Variants in CSMD1 observed in about 807,000 individuals in gnomAD.
CSMD1 encodes the protein CUB and sushi domain-containing protein 1.
In CSMD1, 213 loss-of-function variants were observed where a neutral mutation model predicts 417.5. The observed-to-expected ratio is 0.51, with a 90% confidence interval of 0.46 to 0.57. CSMD1 has a LOEUF of 0.57. CSMD1 is among the 20% of genes least tolerant of loss of function. The pLI is 0.00. For synonymous variants in CSMD1, 2,862 were observed against 1,736.8 expected (o/e 1.65, Z -16.11); for missense variants, 6,923 against 4,529.7 (o/e 1.53, Z -15.17).
At chr8:4,781,920 G>T (rs1329659319) in intron 1 of CSMD1, among the ~76,000 whole-genome samples, 4 of 152,130 alleles carry the variant, frequency 2.6e-5, no homozygotes, top group East Asian at 1.9e-4. Context: ...TAAAAATCAA[G>T]ACTTACAAAA....
At chr8:3,442,093 T>A (rs2117065681) in intron 12 of CSMD1, among the ~76,000 whole-genome samples, 1 of 151,948 alleles carries the variant, frequency 6.6e-6, no homozygotes, top group South Asian at 2.1e-4. Flanking sequence ...AATACAAAAT[T>A]AAAATAAAAA....
chr8:4,598,302 A>G (rs755056919), intron 2 of CSMD1, among the ~76,000 whole-genome samples: 3 of 152,182 alleles, frequency 2.0e-5, no homozygotes, highest in Non-Finnish European at 4.4e-5. Context: ...TTGAATTACG[A>G]ATACTATGCT....
chr8:4,138,819 C>A (rs1803598254), intron 3 of CSMD1, among the ~76,000 whole-genome samples: 1 of 151,628 alleles, frequency 6.6e-6, no homozygotes, highest in African/African-American at 2.4e-5. Context: ...TTTTTTTGCC[C>A]CTGAGGCAAA....
intron 3 of CSMD1, among the ~76,000 whole-genome samples, chr8:4,316,409 A>T (rs926596177): frequency 1.3e-5 from 2 of 152,140 alleles, no homozygotes; most frequent in African/African-American, 4.8e-5. Flanking sequence ...TTACCAAGAC[A>T]ATTTCTTCAT....
intron 5 of CSMD1, among the ~76,000 whole-genome samples, chr8:3,842,731 T>G (rs111483665): frequency 6.6e-4 from 100 of 152,130 alleles, no homozygotes; most frequent in Non-Finnish European, 1.1e-3. Flanking sequence ...GTGTCAAGAT[T>G]AAAATTGGGA....
chr8:2,992,876 T>C (rs185440121), intron 54 of CSMD1, among the ~76,000 whole-genome samples: 54 of 152,192 alleles, frequency 3.5e-4, no homozygotes, highest in African/African-American at 1.2e-3. Flanking sequence ...TAGGTGGAAC[T>C]ACGGGCATGT....
intron 1 of CSMD1, among the ~76,000 whole-genome samples, chr8:4,756,802 C>G (rs1208578537): frequency 6.6e-6 from 1 of 152,132 alleles, no homozygotes; most frequent in African/African-American, 2.4e-5. Context: ...TTTTCTATGT[C>G]TGCTGGATAA....
At chr8:4,662,424 G>A (rs2724962) in intron 1 of CSMD1, among the ~76,000 whole-genome samples, 89,701 of 151,884 alleles carry the variant, frequency 0.59, 26,801 homozygotes, top group East Asian at 0.73. Flanking sequence ...ACATTGACAC[G>A]CTTTTCTTTT....
At chr8:4,820,682 G>A (rs900367414) in intron 1 of CSMD1, among the ~76,000 whole-genome samples, 1 of 152,176 alleles carries the variant, frequency 6.6e-6, no homozygotes, top group Admixed American at 6.5e-5. Context: ...TCAAATGGCT[G>A]TATCATTTCC....
intron 3 of CSMD1, among the ~76,000 whole-genome samples, chr8:4,037,902 A>T (rs879022818): frequency 2.6e-5 from 4 of 152,128 alleles, no homozygotes; most frequent in Non-Finnish European, 5.9e-5. Context: ...CACGTAGCTC[A>T]TAAGCTTAGT....
intron 1 of CSMD1, among the ~76,000 whole-genome samples, chr8:4,661,590 T>A (rs1804611562): frequency 1.3e-5 from 2 of 152,158 alleles, no homozygotes; most frequent in Non-Finnish European, 2.9e-5. Flanking sequence ...ACCTTAGCTG[T>A]GATGTTGTAC....
At chr8:4,123,111 C>T (rs1036188542) in intron 3 of CSMD1, among the ~76,000 whole-genome samples, 1 of 152,160 alleles carries the variant, frequency 6.6e-6, no homozygotes, top group African/African-American at 2.4e-5. Flanking sequence ...GAAAAATGAT[C>T]CATCAGTACA....
intron 1 of CSMD1, among the ~76,000 whole-genome samples, chr8:4,955,783 GTGGCGTAACAGTA>G (rs1563861973): frequency 6.6e-6 from 1 of 151,840 alleles, no homozygotes; most frequent in Non-Finnish European, 1.5e-5. Context: ...ATGTTAGGTG[GTGGCGTAACAGTA>G]CCTTCAAATT....
At chr8:4,307,764 G>A (rs1381001465) in intron 3 of CSMD1, among the ~76,000 whole-genome samples, 2 of 152,124 alleles carry the variant, frequency 1.3e-5, no homozygotes, top group Non-Finnish European at 2.9e-5. Flanking sequence ...GTTTATCAAG[G>A]GTGGAATAAG....
chr8:2,998,812 T>G (rs917243478), intron 53 of CSMD1, among the ~76,000 whole-genome samples: 4 of 152,212 alleles, frequency 2.6e-5, no homozygotes, highest in African/African-American at 9.6e-5. Flanking sequence ...CATTCACCCT[T>G]TCAACAGAAA....
intron 3 of CSMD1, among the ~76,000 whole-genome samples, chr8:4,060,393 A>T (rs1405422718): frequency 2.0e-5 from 3 of 152,232 alleles, no homozygotes; most frequent in Non-Finnish European, 4.4e-5. Flanking sequence ...CAAGACAGGG[A>T]TGCCCTCTCT....
At chr8:4,032,217 G>A in intron 3 of CSMD1, 118 bp from the exon 4 acceptor site, 1 of 665,524 alleles carries the variant, frequency 1.5e-6, no homozygotes, top group Non-Finnish European at 2.4e-6. Flanking sequence ...TCTAGCATCA[G>A]AAAAATATTA....
chr8:3,756,798 A>ATTTT (rs5888992), intron 5 of CSMD1, among the ~76,000 whole-genome samples: 2 of 149,248 alleles, frequency 1.3e-5, no homozygotes, highest in Non-Finnish European at 1.5e-5. Context: ...ACCAGGTGGA[A>ATTTT]TTTTTTTTTT....
intron 7 of CSMD1, among the ~76,000 whole-genome samples, chr8:3,707,380 CA>C (rs1480660875): frequency 1.3e-5 from 2 of 152,116 alleles, no homozygotes; most frequent in African/African-American, 4.8e-5. Context: ...AAACAATATG[CA>C]CAGATGCAAA....
Sources: gnomAD v4.1 joint callset for allele counts (sites outside exome capture counted in the v4.1 genomes callset) on GRCh38, gnomAD v4.1.1 for gene constraint, MANE v1.5 for transcripts, NCBI Gene and HGNC (gene_info 2026-07-23, HGNC 2026-07-21) for gene names.